Variants in XPNPEP1 observed in about 807,000 individuals in gnomAD.
The protein encoded by XPNPEP1 is xaa-Pro aminopeptidase 1.
In XPNPEP1, 39 loss-of-function variants were observed where a neutral mutation model predicts 92.4. That is an observed-to-expected ratio of 0.42 (90% confidence interval 0.33 to 0.55). The LOEUF (loss-of-function observed/expected upper bound fraction) is 0.55, where lower values mean the gene tolerates loss of function less well. Ranked by LOEUF, XPNPEP1 falls within the 20% of genes least tolerant of loss-of-function variation. The probability of loss-of-function intolerance (pLI) is 0.08; values close to 1 mark genes in which losing one functional copy is unlikely to be tolerated. For synonymous variants in XPNPEP1, 307 were observed against 299.4 expected (o/e 1.03, Z -0.26); for missense variants, 654 against 856.1 (o/e 0.76, Z 2.95).
chr10:109,904,079 A>G (rs1849427929), intron 3 of XPNPEP1, among the ~76,000 whole-genome samples: 1 of 151,566 alleles, frequency 6.6e-6, no homozygotes, highest in Non-Finnish European at 1.5e-5. Context: ...TCCTGACCTC[A>G]GGTGATCCAC....
At chr10:109,915,477 C>T (rs1850134137) in intron 1 of XPNPEP1, among the ~76,000 whole-genome samples, 1 of 151,754 alleles carries the variant, frequency 6.6e-6, no homozygotes, top group Admixed American at 6.6e-5. Context: ...CTCTTTGTGC[C>T]TTCATTACTG....
intron 2 of XPNPEP1, among the ~76,000 whole-genome samples, chr10:109,914,690 G>A (rs971501563): frequency 5.9e-5 from 9 of 151,780 alleles, no homozygotes; most frequent in South Asian, 2.1e-4. Context: ...CAGCTACTCC[G>A]GAGGCTGAGG....
chr10:109,866,098 C>T (rs1847127875), intron 20 of XPNPEP1, among the ~76,000 whole-genome samples: 1 of 152,186 alleles, frequency 6.6e-6, no homozygotes, highest in Non-Finnish European at 1.5e-5. Flanking sequence ...TCATCACTGT[C>T]TATGGGGGTA....
chr10:109,867,066 G>A lies in XPNPEP1; in HGVS notation c.1872+1548C>T, dbSNP rs1446000986. Among the ~76,000 whole-genome samples the A allele has an allele frequency of 6.6e-6, 1 of 152,226 alleles. No individual in the cohort carries two copies. Among genetic ancestry groups the A allele is most frequent in the African/African-American group, 2.4e-5 (1 of 41,464 alleles). ...TGGACAGGAAGGACTGCATGACCTA[G>A]AATTACTTGGCAGGAATCCATAGCC... On this transcript the variant is annotated intron_variant, in intron 20 of 20. Coordinates refer to ENST00000502935, the MANE Select transcript of XPNPEP1 (RefSeq NM_020383.4). The surrounding 1 kb of genome is among the most constrained non-coding windows in gnomAD (Gnocchi z 4.5).
At chr10:109,912,040 T>C (rs933384904) in intron 2 of XPNPEP1, among the ~76,000 whole-genome samples, 3 of 152,214 alleles carry the variant, frequency 2.0e-5, no homozygotes, top group Admixed American at 1.3e-4. Context: ...CTCTGCTTCC[T>C]GGTCATCACA....
intron 12 of XPNPEP1, 37 bp from the exon 13 acceptor site, chr10:109,878,095 A>T: frequency 1.9e-6 from 3 of 1,612,168 alleles, no homozygotes. Flanking sequence ...CTGGTGAGAT[A>T]AATTCATGTG....
intron 10 of XPNPEP1, 41 bp from the exon 11 acceptor site, chr10:109,880,972 C>T: frequency 1.3e-6 from 2 of 1,584,164 alleles, no homozygotes; most frequent in Non-Finnish European, 8.6e-7. Flanking sequence ...CAAACCGGCT[C>T]CACCCACCCA....
chr10:109,882,807 C>T (rs927151018), intron 9 of XPNPEP1, among the ~76,000 whole-genome samples, 165 bp from the exon 10 acceptor site: 2 of 152,182 alleles, frequency 1.3e-5, no homozygotes, highest in Non-Finnish European at 2.9e-5. Context: ...AAGGTGCATT[C>T]CCTGCCCCCA....
At chr10:109,892,303 T>C (rs1848745774) in intron 4 of XPNPEP1, among the ~76,000 whole-genome samples, 1 of 152,196 alleles carries the variant, frequency 6.6e-6, no homozygotes, top group African/African-American at 2.4e-5. Flanking sequence ...AGGAAGCTTA[T>C]GCCTCCTACC....
At chr10:109,883,786 A>AC in intron 9 of XPNPEP1, 1 of 333,190 alleles carries the variant, frequency 3.0e-6, no homozygotes, top group Middle Eastern at 7.9e-4. Flanking sequence ...GAGCATATAT[A>AC]CCCCTTAACA....
At position 109,865,231 on chromosome 10, in the gene XPNPEP1, G is replaced by C. The variant is rs1847068758; in HGVS notation, c.1954C>G (p.Leu652Val). Residue 652 changes from leucine to valine, a missense_variant, in exon 21 of 21, where the codon CTC becomes GTC. Transcript: ENST00000502935. ...ELQKQGRQEA[L>V]EWLIRETQPI... The stretch of plus-strand genomic sequence containing the variant: ...TGCGTCTCTCTGATGAGCCACTCGA[G>C]AGCTTCCTGGCGGCCCTGTTTCTGC... 1 of 1,614,166 alleles carries C rather than the reference G, an allele frequency of 6.2e-7. No homozygotes were observed. The highest frequency in any genetic ancestry group is 8.5e-7 in the Non-Finnish European group (1 of 1,180,024).
At chr10:109,882,055 T>A (rs535528537) in intron 10 of XPNPEP1, among the ~76,000 whole-genome samples, 3 of 152,240 alleles carry the variant, frequency 2.0e-5, no homozygotes, top group African/African-American at 7.2e-5. Flanking sequence ...ATTCACTTAG[T>A]ACTTTACTTT....
intron 17 of XPNPEP1, among the ~76,000 whole-genome samples, chr10:109,871,461 A>T (rs1056019814): frequency 3.3e-5 from 5 of 152,242 alleles, no homozygotes; most frequent in African/African-American, 9.6e-5. Context: ...TAAAGGGCAG[A>T]CAGGAGGCTG....
chr10:109,912,428 AAGTGAATAC>A (rs1319332944), intron 2 of XPNPEP1, among the ~76,000 whole-genome samples: 2 of 152,248 alleles, frequency 1.3e-5, no homozygotes, highest in Admixed American at 6.5e-5. Flanking sequence ...GCTACCACTG[AAGTGAATAC>A]AGTGGGCCCT....
At chr10:109,871,715 T>C in intron 17 of XPNPEP1, 77 bp downstream of exon 17, 2 of 1,533,262 alleles carry the variant, frequency 1.3e-6, no homozygotes, top group Non-Finnish European at 1.8e-6. Context: ...AACGACATGT[T>C]CTTTCACTCA....
chr10:109,880,862 C>T lies in XPNPEP1; in HGVS notation c.1111G>A (p.Glu371Lys). Reference protein sequence around the residue: ...AKAVKNSAESEGMRRAHIKDA... With the variant: ...AKAVKNSAESKGMRRAHIKDA... Reference sequence around the variant, plus strand: ...CTCACGTGAGCCCGCCTCATGCCTTCTGACTCAGCTGAATTCTTCACAGCT... The same window carrying T: ...CTCACGTGAGCCCGCCTCATGCCTTTTGACTCAGCTGAATTCTTCACAGCT... Residue 371 changes from glutamate (E) to lysine (K), a missense_variant, in exon 11 of 21, where the codon GAA becomes AAA. Physicochemically the swap from Glu to Lys is moderately conservative, Grantham distance 56. Transcript: ENST00000502935. The T allele has an allele frequency of 6.2e-7, 1 of 1,614,078 alleles. No homozygotes were observed. Among genetic ancestry groups the T allele is most frequent in the Non-Finnish European group, 8.5e-7 (1 of 1,180,012 alleles).
At chr10:109,908,256 T>C (rs1009172058) in intron 2 of XPNPEP1, among the ~76,000 whole-genome samples, 1 of 152,216 alleles carries the variant, frequency 6.6e-6, no homozygotes, top group Non-Finnish European at 1.5e-5. Flanking sequence ...AAGAATTACA[T>C]AGACTTATAT....
chr10:109,912,568 G>A (rs1365590330), intron 2 of XPNPEP1, among the ~76,000 whole-genome samples: 1 of 152,198 alleles, frequency 6.6e-6, no homozygotes, highest in Non-Finnish European at 1.5e-5. Context: ...AGCCATTGAG[G>A]TGGCACTGGT....
chr10:109,923,257 G>T, intron 1 of XPNPEP1, 145 bp downstream of exon 1: 1 of 1,185,644 alleles, frequency 8.4e-7, no homozygotes, highest in East Asian at 3.9e-5. Flanking sequence ...CCTGTTCCGG[G>T]GCTCCGGCGA....
Sources: allele counts gnomAD v4.1 joint callset (sites outside exome capture counted in the v4.1 genomes callset), GRCh38; gene constraint gnomAD v4.1.1; non-coding constraint Gnocchi (gnomAD v3.1); transcripts MANE v1.5; gene names NCBI Gene and HGNC (gene_info 2026-07-23, HGNC 2026-07-21).